The following SCFD2 variants were observed in gnomAD, a reference collection of about 807,000 sequenced individuals.
The protein encoded by SCFD2 is sec1 family domain-containing protein 2.
In SCFD2, 54 loss-of-function variants were observed where a neutral mutation model predicts 58.9. The observed-to-expected ratio is 0.92, with a 90% CI of 0.74 to 1.15. The LOEUF (loss-of-function observed/expected upper bound fraction) is 1.15, where lower values mean the gene tolerates loss of function less well. Among genes scored for constraint, SCFD2 ranks in the 50% most tolerant of loss-of-function variants. The probability of loss-of-function intolerance (pLI) is 0.00; values close to 1 mark genes in which losing one functional copy is unlikely to be tolerated. For synonymous variants in SCFD2, 321 were observed against 335.9 expected (o/e 0.96, Z 0.49); for missense variants, 805 against 836.6 (o/e 0.96, Z 0.47).
At chr4:53,330,699 A>G (rs1226319631) in intron 2 of SCFD2, among the ~76,000 whole-genome samples, 3 of 152,124 alleles carry the variant, frequency 2.0e-5, no homozygotes, top group Admixed American at 2.0e-4. Context: ...AACGAGCAAA[A>G]TCACCAGCTA....
intron 5 of SCFD2, among the ~76,000 whole-genome samples, chr4:53,017,195 T>G (rs1041922553): frequency 6.6e-6 from 1 of 152,132 alleles, no homozygotes; most frequent in Non-Finnish European, 1.5e-5. Context: ...TATAACACAA[T>G]AGGCTATTTT....
chr4:52,972,659 A>G (rs1488676246), intron 5 of SCFD2, among the ~76,000 whole-genome samples: 1 of 152,214 alleles, frequency 6.6e-6, no homozygotes, highest in African/African-American at 2.4e-5. Context: ...GCTCTGCACC[A>G]AGCAGACCTA....
At position 52,885,836 on chromosome 4, in the gene SCFD2, G is replaced by A. The variant is rs771343196; in HGVS notation, c.1873C>T (p.Leu625Phe). The change falls in exon 8 of 9, where the codon CTC (leucine) becomes TTC (phenylalanine). Residue 625 changes from leucine to phenylalanine, a missense_variant. Physicochemically the swap from Leu to Phe is conservative, Grantham distance 22. This residue lies in a region of SCFD2 where 633 missense variants were observed against 646.8 expected (regional missense o/e 0.98). Transcript: ENST00000401642. ...VSRPHPSDYP[L>F]LILFVVGGVT... The stretch of plus-strand genomic sequence containing the variant: ...CCACCTACCACAAAGAGGATCAGGA[G>A]GGGGTAGTCACTAGGATGAGGCCGG... 3.7e-6 allele frequency: 6 copies of A among 1,614,066 alleles called. No homozygotes were observed. The highest frequency in any genetic ancestry group is 3.3e-5 in the Admixed American group (2 of 60,026).
chr4:53,125,938 G>A (rs1002336718), intron 5 of SCFD2, among the ~76,000 whole-genome samples: 3 of 152,188 alleles, frequency 2.0e-5, no homozygotes, highest in African/African-American at 4.8e-5. Flanking sequence ...GAAGCTGGCT[G>A]AGGACAGATT....
At chr4:52,903,697 C>T (rs1364446526) in intron 7 of SCFD2, among the ~76,000 whole-genome samples, 4 of 152,144 alleles carry the variant, frequency 2.6e-5, no homozygotes, top group South Asian at 2.1e-4. Flanking sequence ...TTAAATCATG[C>T]GTGTGTATCT....
At chr4:53,231,865 A>ATT (rs1729450234) in intron 4 of SCFD2, among the ~76,000 whole-genome samples, 1 of 152,088 alleles carries the variant, frequency 6.6e-6, no homozygotes, top group Admixed American at 6.5e-5. Flanking sequence ...AAAAAATGTT[A>ATT]TATATATATT....
intron 4 of SCFD2, among the ~76,000 whole-genome samples, chr4:53,164,804 AAAGAAGAAG>A (rs568186119): frequency 1.4e-5 from 2 of 143,892 alleles, no homozygotes; most frequent in Non-Finnish European, 1.5e-5. Flanking sequence ...AAAAAAAAAA[AAAGAAGAAG>A]AAGAAGAAGA....
intron 5 of SCFD2, among the ~76,000 whole-genome samples, chr4:53,130,346 A>C (rs540093811): frequency 6.6e-6 from 1 of 152,370 alleles, no homozygotes; most frequent in South Asian, 2.1e-4. Context: ...TCATCTCTTT[A>C]TAAGTAAAAT....
chr4:52,929,499 A>G (rs1270829957), intron 5 of SCFD2, among the ~76,000 whole-genome samples: 1 of 152,222 alleles, frequency 6.6e-6, no homozygotes, highest in Non-Finnish European at 1.5e-5. Context: ...AGACTTGTAC[A>G]TTCAGGAGAG....
intron 2 of SCFD2, among the ~76,000 whole-genome samples, chr4:53,349,709 A>G (rs1427528972): frequency 6.6e-6 from 1 of 152,194 alleles, no homozygotes; most frequent in Admixed American, 6.5e-5. Flanking sequence ...CTATAATCAA[A>G]ACATTACTTA....
At chr4:52,936,199 G>A (rs907259660) in intron 5 of SCFD2, among the ~76,000 whole-genome samples, 1 of 152,096 alleles carries the variant, frequency 6.6e-6, no homozygotes, top group Admixed American at 6.5e-5. Flanking sequence ...GAGGAAGGCC[G>A]ACTCCTGGGT....
chr4:53,174,283 G>T (rs1484543949), intron 4 of SCFD2, among the ~76,000 whole-genome samples: 2 of 151,954 alleles, frequency 1.3e-5, no homozygotes, highest in East Asian at 3.9e-4. Context: ...TAATATATGA[G>T]AATTTTCTAA....
At chr4:53,101,249 T>C (rs1340857743) in intron 5 of SCFD2, among the ~76,000 whole-genome samples, 1 of 152,152 alleles carries the variant, frequency 6.6e-6, no homozygotes, top group Non-Finnish European at 1.5e-5. Context: ...AGAGCTGCAC[T>C]TCCAAATGCT....
chr4:53,180,004 G>C (rs1413859105), intron 4 of SCFD2, among the ~76,000 whole-genome samples: 1 of 152,144 alleles, frequency 6.6e-6, no homozygotes, highest in African/African-American at 2.4e-5. Context: ...CATAAAGCGA[G>C]TCCTTAGTGA....
intron 4 of SCFD2, among the ~76,000 whole-genome samples, chr4:53,266,299 A>G (rs1284800617): frequency 4.6e-5 from 7 of 152,244 alleles, no homozygotes; most frequent in African/African-American, 1.7e-4. Flanking sequence ...CTGAAAGAAT[A>G]AATAATAATG....
At chr4:53,212,657 C>A (rs1728658328) in intron 4 of SCFD2, among the ~76,000 whole-genome samples, 1 of 149,932 alleles carries the variant, frequency 6.7e-6, no homozygotes, top group African/African-American at 2.5e-5. Flanking sequence ...GAACTATAAA[C>A]AAATGATTAA....
intron 5 of SCFD2, among the ~76,000 whole-genome samples, chr4:53,022,737 G>A (rs1348018094): frequency 1.3e-5 from 2 of 152,184 alleles, no homozygotes; most frequent in Non-Finnish European, 2.9e-5. Context: ...ATACTTAAGA[G>A]GCTGGTTGGT....
chr4:53,364,982 T>C, intron 1 of SCFD2, 122 bp downstream of exon 1: 1 of 1,165,792 alleles, frequency 8.6e-7, no homozygotes, highest in Non-Finnish European at 1.2e-6. Context: ...CGTGTCCATC[T>C]AGTTCATCTT....
At chr4:53,060,170 T>A (rs2148839402) in intron 5 of SCFD2, among the ~76,000 whole-genome samples, 1 of 152,132 alleles carries the variant, frequency 6.6e-6, no homozygotes, top group East Asian at 1.9e-4. Context: ...GAGTCAGGGT[T>A]TAAAAAGAAA....
Sources: gnomAD v4.1 joint callset for allele counts (sites outside exome capture counted in the v4.1 genomes callset) on GRCh38, gnomAD v4.1.1 for gene constraint, gnomAD v4.1.1 regional missense constraint, MANE v1.5 for transcripts, NCBI Gene and HGNC (gene_info 2026-07-23, HGNC 2026-07-21) for gene names.